The following MTHFD2L variants were observed in gnomAD, a reference collection of about 807,000 sequenced individuals.
The protein encoded by MTHFD2L is methylenetetrahydrofolate dehydrogenase (NADP+ dependent) 2 like.
In MTHFD2L, 29 loss-of-function variants were observed where a neutral mutation model predicts 34.9. The ratio of observed to expected loss-of-function variants is 0.83; its 90% CI spans 0.62 to 1.13. The LOEUF is 1.13. MTHFD2L is among the 50% of genes most tolerant of loss of function. The pLI, the probability that MTHFD2L is intolerant of heterozygous loss-of-function variation, is 0.00. For missense variants in MTHFD2L, 481 were observed against 446.5 expected (o/e 1.08, Z -0.70); for synonymous variants, 167 against 155.7 (o/e 1.07, Z -0.54).
intron 5 of MTHFD2L, among the ~76,000 whole-genome samples, chr4:74,204,262 C>T (rs757553764): frequency 5.3e-5 from 8 of 152,106 alleles, no homozygotes; most frequent in Non-Finnish European, 1.2e-4. Flanking sequence ...ATATTAATAT[C>T]TCCTCAACTT....
intron 5 of MTHFD2L, among the ~76,000 whole-genome samples, chr4:74,206,936 TG>T (rs1421113498): frequency 1.3e-5 from 2 of 152,182 alleles, no homozygotes; most frequent in Non-Finnish European, 2.9e-5. Context: ...GGCCTCACGC[TG>T]TCACCCAGAC....
chr4:74,144,498 T>A (rs866319904), intron 1 of MTHFD2L, among the ~76,000 whole-genome samples: 5 of 152,128 alleles, frequency 3.3e-5, no homozygotes, highest in Admixed American at 1.3e-4. Flanking sequence ...AAATAATTGT[T>A]CACTCTATTA....
intron 5 of MTHFD2L, among the ~76,000 whole-genome samples, chr4:74,204,685 A>G (rs1222622472): frequency 2.0e-5 from 3 of 152,148 alleles, no homozygotes; most frequent in Non-Finnish European, 2.9e-5. Flanking sequence ...TCAATCTTGA[A>G]TTATATATTT....
chr4:74,186,903 A>G (rs1731390697), intron 3 of MTHFD2L, among the ~76,000 whole-genome samples: 1 of 152,156 alleles, frequency 6.6e-6, no homozygotes, highest in African/African-American at 2.4e-5. Flanking sequence ...CTGATGTCAA[A>G]ATGAGTTATA....
rs1332165141 is a variant in MTHFD2L, at chr4:74,185,186, A to G, written c.451+9783A>G. 2.7e-5 allele frequency among the ~76,000 whole-genome samples: 4 copies of G among 150,144 alleles called. 1 individual carries two copies. The East Asian group carries it at 7.8e-4, about 29-fold the overall frequency. ...AAAAAAAAAAAAAAAAAAATCTGGA[A>G]AATCCCTAAATATTTGAAAAGTAAA... On this transcript the variant is annotated intron_variant, in intron 3 of 7. Coordinates refer to ENST00000325278, the MANE Select transcript of MTHFD2L (RefSeq NM_001144978.3).
At chr4:74,215,333 C>T (rs1383861265) in intron 5 of MTHFD2L, among the ~76,000 whole-genome samples, 1 of 151,786 alleles carries the variant, frequency 6.6e-6, no homozygotes, top group South Asian at 2.1e-4. Context: ...GCGTAGGCAC[C>T]CGAGGGAATC....
At chr4:74,194,263 C>T (rs1419076571) in intron 3 of MTHFD2L, 2 of 152,190 alleles carry the variant, frequency 1.3e-5, no homozygotes, top group Non-Finnish European at 2.9e-5. Flanking sequence ...CAATTTTCAA[C>T]TACGGTGTTA....
chr4:74,180,955 A>G (rs1730047747), intron 3 of MTHFD2L: 1 of 178,290 alleles, frequency 5.6e-6, no homozygotes, highest in Admixed American at 5.6e-5. Context: ...TTATTGAGTT[A>G]TCTGTATTAA....
chr4:74,146,085 A>T (rs1349752095), intron 1 of MTHFD2L, among the ~76,000 whole-genome samples: 1 of 152,266 alleles, frequency 6.6e-6, no homozygotes, highest in Admixed American at 6.5e-5. Context: ...AAAATGGTTA[A>T]TAAACAGAGA....
chr4:74,141,081 G>A (rs1044693829), intron 1 of MTHFD2L, among the ~76,000 whole-genome samples: 1 of 152,114 alleles, frequency 6.6e-6, no homozygotes, highest in East Asian at 1.9e-4. Context: ...AATGTACTTA[G>A]TGTAGCTTGT....
At chr4:74,190,482 T>C in intron 3 of MTHFD2L, 1 of 985,246 alleles carries the variant, frequency 1.0e-6, no homozygotes. Flanking sequence ...CTCAGAAGGG[T>C]GGAGAACCAG....
At chr4:74,148,059 T>TAA (rs1578256844) in intron 1 of MTHFD2L, among the ~76,000 whole-genome samples, 1 of 152,136 alleles carries the variant, frequency 6.6e-6, no homozygotes, top group East Asian at 1.9e-4. Flanking sequence ...GGCATAAGGG[T>TAA]CCAACTTCGT....
chr4:74,271,212 T>C (rs913189576), intron 6 of MTHFD2L, among the ~76,000 whole-genome samples: 6 of 152,242 alleles, frequency 3.9e-5, no homozygotes, highest in African/African-American at 1.4e-4. Context: ...TTATTGCCAT[T>C]GCTTTTGGTG....
intron 3 of MTHFD2L, chr4:74,180,949 T>G (rs1730046637): frequency 1.1e-5 from 2 of 179,814 alleles, no homozygotes; most frequent in South Asian, 1.0e-4. Context: ...TAGCTTTTAT[T>G]GAGTTATCTG....
intron 3 of MTHFD2L, 47 bp downstream of exon 3, chr4:74,175,450 A>G (rs1326587679): frequency 4.5e-6 from 7 of 1,561,892 alleles, no homozygotes; most frequent in Non-Finnish European, 6.1e-6. Flanking sequence ...AAAGTGAAAC[A>G]AAGGGCATCT....
upstream of MTHFD2L, among the ~76,000 whole-genome samples, chr4:74,120,832 T>G (rs1721742271): frequency 6.6e-6 from 1 of 152,196 alleles, no homozygotes; most frequent in African/African-American, 2.4e-5. Flanking sequence ...CTCCAGAGAC[T>G]TCTTTTAGAA....
chr4:74,136,142 T>A (rs1371329927), intron 1 of MTHFD2L, among the ~76,000 whole-genome samples: 1 of 151,860 alleles, frequency 6.6e-6, no homozygotes, highest in Non-Finnish European at 1.5e-5. Flanking sequence ...GCCAGAGCAA[T>A]TAGGTAAGAA....
chr4:74,158,134 C>A lies in MTHFD2L; in HGVS notation c.-5C>A. The A allele has an allele frequency of 6.5e-7, 1 of 1,529,990 alleles. No homozygotes were observed. The highest frequency in any genetic ancestry group is 8.8e-7 in the Non-Finnish European group (1 of 1,141,166). The allele number at this position is 1,529,990 out of a possible 1,614,324, so 94.8% of individuals were successfully genotyped here. A position where few individuals can be genotyped will look rare whatever the true frequency, so the allele number is the denominator to read the frequency against. ...CCCCAGTCCGGAAGCCGGGGATCCG[C>A]GGCCATGACGGTGCCGGTCCGCGGC... On this transcript the variant is annotated 5_prime_UTR_variant, in exon 1 of 8. Coordinates refer to ENST00000325278, the MANE Select transcript of MTHFD2L (RefSeq NM_001144978.3).
chr4:74,263,117 A>G (rs1360642359), intron 6 of MTHFD2L, among the ~76,000 whole-genome samples: 1 of 151,786 alleles, frequency 6.6e-6, no homozygotes, highest in Non-Finnish European at 1.5e-5. Flanking sequence ...ATGTATACAT[A>G]TGTATGTATA....
Sources: allele counts gnomAD v4.1 joint callset (sites outside exome capture counted in the v4.1 genomes callset), GRCh38; gene constraint gnomAD v4.1.1; transcripts MANE v1.5; gene names NCBI Gene and HGNC (gene_info 2026-07-23, HGNC 2026-07-21).